The following LARS1 variants were observed in gnomAD, a reference collection of about 807,000 sequenced individuals.
The protein encoded by LARS1 is leucine--tRNA ligase, cytoplasmic.
In LARS1, 100 loss-of-function variants were observed where a neutral mutation model predicts 162.8. That is an observed-to-expected ratio of 0.61 (90% CI 0.52 to 0.73). The LOEUF (loss-of-function observed/expected upper bound fraction) is 0.73, where lower values mean the gene tolerates loss of function less well. Ranked by LOEUF, LARS1 falls within the 30% of genes least tolerant of loss-of-function variation. LARS1 has a pLI of 0.00. For missense variants in LARS1, 1,258 were observed against 1,408.9 expected (o/e 0.89, Z 1.71); for synonymous variants, 457 against 462.8 (o/e 0.99, Z 0.16).
At chr5:146,179,960 T>C (rs941167718) in intron 1 of LARS1, among the ~76,000 whole-genome samples, 3 of 152,228 alleles carry the variant, frequency 2.0e-5, no homozygotes, top group African/African-American at 7.2e-5. Context: ...TTCTGTTAAA[T>C]GCAACCAATG....
At chr5:146,123,425 G>A (rs1222890011) in intron 29 of LARS1, among the ~76,000 whole-genome samples, 1 of 151,894 alleles carries the variant, frequency 6.6e-6, no homozygotes, top group Admixed American at 6.6e-5. Context: ...CTAGTTCCTG[G>A]ATTGGGTAGA....
chr5:146,157,930 TTGCCAGTGGTG>T (rs1753605935), intron 8 of LARS1, 135 bp from the exon 9 acceptor site: 2 of 784,800 alleles, frequency 2.5e-6, no homozygotes, highest in Admixed American at 2.4e-5. Flanking sequence ...AGAGAAGAGA[TTGCCAGTGGTG>T]TGCTAACTAT....
intron 8 of LARS1, 113 bp from the exon 9 acceptor site, chr5:146,157,908 A>AT (rs974688877): frequency 9.7e-4 from 957 of 985,338 alleles, no homozygotes; most frequent in Non-Finnish European, 1.2e-3. Context: ...TGCATTATTA[A>AT]TTTTTTTTTG....
Position 146,153,724 on chromosome 5 carries a change from A to C in LARS1, c.1230+10T>G, listed in dbSNP as rs1267854639. The C allele has an allele frequency of 6.2e-7, 1 of 1,608,926 alleles. No individual in the cohort carries two copies. Among genetic ancestry groups the C allele is most frequent in the East Asian group, 2.2e-5 (1 of 44,820 alleles). ...AGGACGAAATACAAACATGAAACTC[A>C]GATACTTACTTGCTTTTTCTTCAAG... On this transcript the variant is annotated intron_variant, in intron 12 of 31. Coordinates refer to ENST00000394434, the MANE Select transcript of LARS1 (RefSeq NM_020117.11).
intron 14 of LARS1, among the ~76,000 whole-genome samples, chr5:146,150,942 G>GACACACAC (rs3995492): frequency 0.16 from 21,581 of 134,624 alleles, 1,840 homozygotes; most frequent in South Asian, 0.24. Flanking sequence ...CCGTCAGATA[G>GACACACAC]ACACACACAC....
At chr5:146,117,185 A>ACATTCTG (rs1329297036) in intron 31 of LARS1, among the ~76,000 whole-genome samples, 1 of 152,214 alleles carries the variant, frequency 6.6e-6, no homozygotes, top group African/African-American at 2.4e-5. Flanking sequence ...AATAGGAAAT[A>ACATTCTG]CATTTCAGTA....
At chr5:146,154,912 G>A (rs1260759017) in intron 10 of LARS1, among the ~76,000 whole-genome samples, 1 of 151,992 alleles carries the variant, frequency 6.6e-6, no homozygotes, top group South Asian at 2.1e-4. Context: ...GGAGTGCAAT[G>A]GCATGATCTC....
chr5:146,180,125 G>A (rs1006596379), intron 1 of LARS1, among the ~76,000 whole-genome samples: 4 of 152,154 alleles, frequency 2.6e-5, no homozygotes, highest in African/African-American at 9.7e-5. Flanking sequence ...CAGGACATGG[G>A]AACACTGAGG....
chr5:146,135,570 C>A, intron 22 of LARS1, 31 bp downstream of exon 22: 2 of 1,517,672 alleles, frequency 1.3e-6, no homozygotes, highest in Non-Finnish European at 1.8e-6. Context: ...CTGGACCCTA[C>A]AGAACAGCAA....
chr5:146,125,413 A>G (rs1752002021), intron 28 of LARS1, among the ~76,000 whole-genome samples: 1 of 152,056 alleles, frequency 6.6e-6, no homozygotes, highest in South Asian at 2.1e-4. Flanking sequence ...TGCAGCCAAG[A>G]AGACACAAGA....
chr5:146,123,853 G>T, intron 29 of LARS1, 129 bp downstream of exon 29: 6 of 448,338 alleles, frequency 1.3e-5, no homozygotes, highest in Admixed American at 1.2e-4. Flanking sequence ...AAATATTTTC[G>T]ACTAATATAT....
chr5:146,159,390 G>A lies in LARS1; in HGVS notation c.771+17C>T, dbSNP rs200274988. 3.1e-6 allele frequency: 5 copies of A among 1,587,476 alleles called. No homozygotes were observed. Among genetic ancestry groups the A allele is most frequent in the Admixed American group, 1.7e-5 (1 of 59,620 alleles). ...TAAGGATTATTATAATAGCTACTCT[G>A]TCTCACAAATAATCACCTCTCCAGT... On this transcript the variant is annotated intron_variant, in intron 8 of 31. Coordinates refer to ENST00000394434, the MANE Select transcript of LARS1 (RefSeq NM_020117.11).
In LARS1 at chr5:146,157,496, G is replaced by T; in HGVS notation, c.972C>A (p.Phe324Leu). The T allele has an allele frequency of 1.2e-6, 2 of 1,614,052 alleles. No individual in the cohort carries two copies. The highest frequency in any genetic ancestry group is 1.7e-6 in the Non-Finnish European group (2 of 1,179,992). The change falls in exon 10 of 32, where the codon TTC becomes TTA. Residue 324 changes from phenylalanine to leucine, a missense_variant. Transcript: ENST00000394434. ...IGFETVNGDI[F>L]ICTQKAARNM... is the part of the protein sequence containing the mutation. The stretch of plus-strand genomic sequence containing the variant: ...TCCTGGCTGCTTTTTGGGTACAGAT[G>T]AATATATCACCATTCACCGTCTCAA...
intron 23 of LARS1, chr5:146,132,593 T>C (rs1466880941): frequency 4.9e-6 from 1 of 205,264 alleles, no homozygotes; most frequent in Non-Finnish European, 9.6e-6. Context: ...TATCCCAAGT[T>C]TGCAACTACT....
chr5:146,152,056 G>A (rs557138946), intron 13 of LARS1, 54 bp from the exon 14 acceptor site: 36 of 1,600,578 alleles, frequency 2.2e-5, no homozygotes, highest in Non-Finnish European at 3.1e-5. Context: ...ACACAGCTCT[G>A]TAGGGCACAA....
intron 15 of LARS1, among the ~76,000 whole-genome samples, chr5:146,147,044 T>C (rs1189713743): frequency 1.3e-5 from 2 of 151,978 alleles, no homozygotes; most frequent in African/African-American, 4.8e-5. Context: ...ATTGGCAGAA[T>C]CTTCTGTAGG....
At chr5:146,152,955 T>C (rs552895071) in intron 13 of LARS1, among the ~76,000 whole-genome samples, 1 of 152,240 alleles carries the variant, frequency 6.6e-6, no homozygotes, top group Admixed American at 6.5e-5. Context: ...AAGCTATTTG[T>C]TCCAGAACTG....
chr5:146,151,835 T>C (rs1561817522), intron 14 of LARS1, 27 bp downstream of exon 14: 1 of 1,593,174 alleles, frequency 6.3e-7, no homozygotes, highest in Admixed American at 1.7e-5. Context: ...GTAAAGCAAA[T>C]AAAAACTAAA....
At chr5:146,132,733 A>G (rs1752337504) in intron 23 of LARS1, 165 bp downstream of exon 23, 3 of 518,178 alleles carry the variant, frequency 5.8e-6, no homozygotes. Flanking sequence ...GACACAAAAT[A>G]CTTAGCATAG....
Sources: allele counts gnomAD v4.1 joint callset (sites outside exome capture counted in the v4.1 genomes callset), GRCh38; gene constraint gnomAD v4.1.1; transcripts MANE v1.5; gene names NCBI Gene and HGNC (gene_info 2026-07-23, HGNC 2026-07-21).